Variants in BRCA2 observed in about 807,000 individuals in gnomAD.
BRCA2 encodes the protein breast cancer type 2 susceptibility protein.
Under a neutral mutation model 276.7 loss-of-function variants are expected in BRCA2, and 203 were observed. That is an observed-to-expected ratio of 0.73 (90% CI 0.65 to 0.82). BRCA2 has a LOEUF of 0.82. Ranked by LOEUF, BRCA2 falls within the 40% of genes least tolerant of loss-of-function variation. The pLI is 0.00. For synonymous variants in BRCA2, 1,289 were observed against 1,338.4 expected, an observed-to-expected ratio of 0.96 and a Z score of 0.81; for missense variants, 3,920 against 3,915.0, an observed-to-expected ratio of 1.00 and a Z score of -0.03.
chr13:32,319,052 AAGG>A (rs1359489328), intron 2 of BRCA2, 22 bp from the exon 3 acceptor site: 2 of 1,611,040 alleles, frequency 1.2e-6, no homozygotes, highest in Non-Finnish European at 1.7e-6. Context: ...GGTTAAAACT[AAGG>A]TGGGATTTTT....
Position 32,341,387 on chromosome 13 carries a change from C to A in BRCA2, c.6841+191C>A, listed in dbSNP as rs11571662. On this transcript the variant is annotated intron_variant, in intron 11 of 26. Coordinates refer to ENST00000380152, the MANE Select transcript of BRCA2 (RefSeq NM_000059.4). ...CAGTATTCGTATACAGATTTGATATCTTGGTATACAGATTCGATATCTCTG... is the reference window on the plus strand; with the variant it reads ...CAGTATTCGTATACAGATTTGATATATTGGTATACAGATTCGATATCTCTG... Among the ~76,000 whole-genome samples, 42,869 of 151,844 alleles carry A rather than the reference C, an allele frequency of 0.28. 6,230 individuals are homozygous for A. The highest frequency in any genetic ancestry group is 0.4 in the East Asian group (2,058 of 5,170).
At chr13:32,344,757 G>A (rs559195765) in intron 12 of BRCA2, 104 bp downstream of exon 12, 1 of 809,064 alleles carries the variant, frequency 1.2e-6, no homozygotes, top group Non-Finnish European at 2.1e-6. Flanking sequence ...TGGGATTACA[G>A]ACATGAGCCA....
chr13:32,330,139 A>G (rs2072377988), intron 8 of BRCA2, among the ~76,000 whole-genome samples: 1 of 152,188 alleles, frequency 6.6e-6, no homozygotes, highest in Non-Finnish European at 1.5e-5. Context: ...GGGATCCCTT[A>G]CTGAAGTTTT....
rs747664806 is a variant in BRCA2 at position 32,370,422 on chromosome 13, G to A, written c.8352G>A (p.Arg2784=). The change falls in exon 19 of 27, where the codon CGG becomes CGA. Residue 2784 remains arginine, a synonymous_variant. Transcript: ENST00000380152. ...TCCAGATTTCTGCTAACAGTACTCG[G>A]CCTGCTCGCTGGTATACCAAACTTG... ...LMLKISANST[R]PARWYTKLGF... 1.2e-6 allele frequency: 2 copies of A among 1,613,648 alleles called. No individual in the cohort carries two copies. Among genetic ancestry groups the A allele is most frequent in the Admixed American group, 3.3e-5 (2 of 59,986 alleles).
intron 14 of BRCA2, among the ~76,000 whole-genome samples, chr13:32,355,928 A>G (rs759213748): frequency 2.0e-5 from 3 of 152,180 alleles, no homozygotes; most frequent in South Asian, 4.1e-4. Flanking sequence ...ATACAGCTTT[A>G]CAAGTTGAAA....
At chr13:32,357,264 C>CT (rs1459696945) in intron 15 of BRCA2, among the ~76,000 whole-genome samples, 3 of 152,192 alleles carry the variant, frequency 2.0e-5, no homozygotes, top group African/African-American at 7.2e-5. Context: ...AGCAAAGAGT[C>CT]TGACTCCAGA....
chr13:32,378,586 C>T (rs779164291), intron 21 of BRCA2, among the ~76,000 whole-genome samples: 1 of 152,078 alleles, frequency 6.6e-6, no homozygotes, highest in South Asian at 2.1e-4. Flanking sequence ...TCTCCCTTCC[C>T]GGTAGAGATT....
chr13:32,365,974 TTTA>T (rs981294355), intron 18 of BRCA2, among the ~76,000 whole-genome samples: 158 of 152,040 alleles, frequency 1.0e-3, no homozygotes, highest in African/African-American at 3.7e-3. Flanking sequence ...ATTGTCTTTT[TTTA>T]TTCTAACTTC....
rs1131692121 is a variant in BRCA2 at position 32,340,898 on chromosome 13, A to G, written c.6543A>G (p.Gly2181=). 6.2e-7 allele frequency: 1 copy of G among 1,607,614 alleles called. No homozygotes were observed. Residue 2181 remains glycine, a synonymous_variant, in exon 11 of 27, where the codon GGA becomes GGG. Coordinates refer to ENST00000380152, the MANE Select transcript of BRCA2 (RefSeq NM_000059.4). Reference sequence around the variant, plus strand: ...TTGTTGAGAACATTCATGTTTTGGGAAAAGAACAGGCTTCACCTAAAAACG... The same window carrying G: ...TTGTTGAGAACATTCATGTTTTGGGGAAAGAACAGGCTTCACCTAAAAACG... ...VSLVENIHVL[G]KEQASPKNVK...
At chr13:32,368,583 A>T (rs1478128706) in intron 18 of BRCA2, among the ~76,000 whole-genome samples, 1 of 151,352 alleles carries the variant, frequency 6.6e-6, no homozygotes, top group Admixed American at 6.6e-5. Flanking sequence ...ACTTTCCTCA[A>T]TGGTGATCAT....
chr13:32,394,968 G>A (rs756649023), intron 25 of BRCA2, 35 bp downstream of exon 25: 3 of 1,612,586 alleles, frequency 1.9e-6, no homozygotes, highest in South Asian at 1.1e-5. Context: ...ACACATTTTG[G>A]TATTTTTCTA....
In BRCA2 at chr13:32,341,146, T is replaced by G. The variant is rs1364062389; in HGVS notation, c.6791T>G (p.Leu2264Trp). ...TGTCCCGAAAATGAGGAAATGGTTT[T>G]GTCAAATTCAAGAATTGGAAAAAGA... The part of the protein sequence containing the change: ...FTCPENEEMV[L>W]SNSRIGKRRG... Residue 2264 changes from leucine to tryptophan, a missense_variant, in exon 11 of 27, where the codon TTG becomes TGG. Around this residue, in one of 2 missense-constraint regions of BRCA2, gnomAD observed 3,263 missense variants for 3,156.9 expected, o/e 1.03. Coordinates refer to ENST00000380152, the MANE Select transcript of BRCA2 (RefSeq NM_000059.4). 6.2e-7 allele frequency: 1 copy of G among 1,613,990 alleles called. No homozygotes were observed. Among genetic ancestry groups the G allele is most frequent in the South Asian group, 1.1e-5 (1 of 91,080 alleles).
At chr13:32,329,149 C>T (rs1384462644) in intron 7 of BRCA2, among the ~76,000 whole-genome samples, 2 of 152,106 alleles carry the variant, frequency 1.3e-5, no homozygotes, top group Non-Finnish European at 2.9e-5. Context: ...GCTTTTAAGT[C>T]ATAACCTCAC....
intron 21 of BRCA2, 75 bp from the exon 22 acceptor site, chr13:32,379,242 A>G: frequency 7.0e-7 from 1 of 1,434,814 alleles, no homozygotes; most frequent in Admixed American, 1.8e-5. Context: ...TGTCCTGTTT[A>G]AAGCCATCTA....
rs398122778 is a variant in BRCA2, at chr13:32,326,085, CTTTG to C, written c.426-12_426-9del. 1 of 1,602,554 alleles carries C rather than the reference CTTTG, an allele frequency of 6.2e-7. No homozygotes were observed. Among genetic ancestry groups the C allele is most frequent in the Non-Finnish European group, 8.5e-7 (1 of 1,173,258 alleles). ...TTTTTAAAATAACCTAAGGGATTTG[CTTTG>C]TTTTATTTTAGTCCTGTTGTTCTAC... On this transcript the variant is annotated splice_polypyrimidine_tract_variant and intron_variant, in intron 4 of 26. Transcript: ENST00000380152.
chr13:32,327,107 A>G (rs1373839967), intron 7 of BRCA2, among the ~76,000 whole-genome samples: 1 of 152,044 alleles, frequency 6.6e-6, no homozygotes, highest in Non-Finnish European at 1.5e-5. Flanking sequence ...TAAACTGTAA[A>G]CTCTTTGCAG....
intron 8 of BRCA2, among the ~76,000 whole-genome samples, chr13:32,330,534 A>G (rs1422724497): frequency 3.9e-5 from 6 of 152,238 alleles, no homozygotes; most frequent in African/African-American, 1.4e-4. Context: ...TGGTACCACA[A>G]TAGCCGATCT....
intron 21 of BRCA2, among the ~76,000 whole-genome samples, chr13:32,377,237 G>A (rs2072879958): frequency 2.0e-5 from 3 of 152,152 alleles, no homozygotes; most frequent in Non-Finnish European, 4.4e-5. Flanking sequence ...GCACTAAACT[G>A]TTAGAAGTAG....
intron 4 of BRCA2, 81 bp from the exon 5 acceptor site, chr13:32,326,019 GA>G: frequency 8.2e-7 from 1 of 1,221,150 alleles, no homozygotes; most frequent in Non-Finnish European, 1.2e-6. Flanking sequence ...ATATGAATGA[GA>G]ATCTTCTTTT....
Sources: allele counts gnomAD v4.1 joint callset (sites outside exome capture counted in the v4.1 genomes callset), GRCh38; gene constraint gnomAD v4.1.1; regional missense constraint gnomAD v4.1.1; transcripts MANE v1.5; gene names NCBI Gene and HGNC (gene_info 2026-07-23, HGNC 2026-07-21).